The following TAFA2 variants were observed in gnomAD, a reference collection of about 807,000 sequenced individuals.
TAFA2 encodes TAFA chemokine like family member 2, also known as chemokine-like protein TAFA-2.
Under a neutral mutation model 18.8 loss-of-function variants are expected in TAFA2, and 7 were observed. The ratio of observed to expected loss-of-function variants is 0.37; its 90% CI spans 0.21 to 0.70. The LOEUF (loss-of-function observed/expected upper bound fraction) is 0.70. Ranked by LOEUF, TAFA2 falls within the 30% of genes least tolerant of loss-of-function variation. The pLI, the probability that TAFA2 is intolerant of heterozygous loss-of-function variation, is 0.53. For missense variants in TAFA2, 122 were observed against 158.1 expected (o/e 0.77, Z 1.23); for synonymous variants, 60 against 54.2 (o/e 1.11, Z -0.47).
chr12:62,184,269 A>G (rs1920088), intron 1 of TAFA2, among the ~76,000 whole-genome samples: 133,540 of 152,082 alleles, frequency 0.88, 58,735 homozygotes, highest in Middle Eastern at 0.93. Flanking sequence ...AAAGGGGTTT[A>G]CAATAATGCT....
intron 1 of TAFA2, among the ~76,000 whole-genome samples, chr12:62,127,265 G>T (rs548176706): frequency 6.6e-6 from 1 of 151,934 alleles, no homozygotes; most frequent in East Asian, 1.9e-4. Context: ...GGGTCAGAAG[G>T]AAGATTGCAC....
chr12:62,242,767 T>C (rs2136990447), intron 1 of TAFA2, among the ~76,000 whole-genome samples: 1 of 152,250 alleles, frequency 6.6e-6, no homozygotes, highest in East Asian at 1.9e-4. Context: ...GCGGCAGCTT[T>C]GGCTGGGCAT....
chr12:62,187,640 A>T (rs1448693926), intron 1 of TAFA2, among the ~76,000 whole-genome samples: 1 of 152,234 alleles, frequency 6.6e-6, no homozygotes, highest in Non-Finnish European at 1.5e-5. Flanking sequence ...TAAGAAGACA[A>T]GAATTGTTTA....
chr12:62,142,004 T>C (rs2062243957), intron 1 of TAFA2, among the ~76,000 whole-genome samples: 1 of 152,222 alleles, frequency 6.6e-6, no homozygotes, highest in Non-Finnish European at 1.5e-5. Flanking sequence ...TGCCCACTAA[T>C]GCCAGGCATC....
At chr12:62,234,953 A>C (rs2062829823) in intron 1 of TAFA2, 1 of 724,450 alleles carries the variant, frequency 1.4e-6, no homozygotes, top group African/African-American at 1.7e-5. Context: ...CCTCAGTGGA[A>C]GGCATGGTCG....
chr12:61,762,948 C>T (rs142841639), intron 2 of TAFA2, among the ~76,000 whole-genome samples: 1 of 152,010 alleles, frequency 6.6e-6, no homozygotes, highest in South Asian at 2.1e-4. Flanking sequence ...CAATAGGCAA[C>T]TGAAATGCGA....
At chr12:62,183,054 G>A (rs2062561943) in intron 1 of TAFA2, among the ~76,000 whole-genome samples, 1 of 152,206 alleles carries the variant, frequency 6.6e-6, no homozygotes, top group South Asian at 2.1e-4. Context: ...GAATGTTTGT[G>A]TCTTCCCAAA....
At chr12:62,122,091 G>A (rs960753422) in intron 1 of TAFA2, among the ~76,000 whole-genome samples, 3 of 152,172 alleles carry the variant, frequency 2.0e-5, no homozygotes, top group Non-Finnish European at 4.4e-5. Flanking sequence ...TGGAAGGAGG[G>A]AGAGGATCAG....
chr12:62,065,463 T>A (rs1882459917), intron 1 of TAFA2, among the ~76,000 whole-genome samples: 3 of 152,016 alleles, frequency 2.0e-5, no homozygotes, highest in Non-Finnish European at 2.9e-5. Context: ...GTCTTACCAA[T>A]GAAAATACCA....
At chr12:62,083,899 C>T (rs1868362134) in intron 1 of TAFA2, among the ~76,000 whole-genome samples, 2 of 152,032 alleles carry the variant, frequency 1.3e-5, no homozygotes, top group South Asian at 2.1e-4. Context: ...AATTTGAATT[C>T]TTCCCACACT....
chr12:62,042,514 G>A (rs1312035388), intron 1 of TAFA2, among the ~76,000 whole-genome samples: 1 of 151,736 alleles, frequency 6.6e-6, no homozygotes, highest in Non-Finnish European at 1.5e-5. Flanking sequence ...CAGTGTCCCT[G>A]CTGGAATAGA....
intron 4 of TAFA2, among the ~76,000 whole-genome samples, chr12:61,729,245 C>T (rs1421580127): frequency 6.6e-6 from 1 of 151,754 alleles, no homozygotes; most frequent in Non-Finnish European, 1.5e-5. Flanking sequence ...CACTTTTTTT[C>T]TGAGGTTCTT....
chr12:61,977,002 G>C (rs185862106), intron 1 of TAFA2, among the ~76,000 whole-genome samples: 1 of 152,122 alleles, frequency 6.6e-6, no homozygotes, highest in East Asian at 1.9e-4. Context: ...ATGTGTCTTT[G>C]TAGTAGCATG....
chr12:61,961,488 G>A (rs1439043452), intron 1 of TAFA2, among the ~76,000 whole-genome samples: 1 of 151,812 alleles, frequency 6.6e-6, no homozygotes, highest in Non-Finnish European at 1.5e-5. Context: ...TGTTAACTGG[G>A]AGTTTCTTTC....
At chr12:62,069,972 C>T (rs1882585989) in intron 1 of TAFA2, among the ~76,000 whole-genome samples, 1 of 152,170 alleles carries the variant, frequency 6.6e-6, no homozygotes, top group Non-Finnish European at 1.5e-5. Flanking sequence ...GACATTTATA[C>T]ACTTGCATGC....
At chr12:61,843,703 T>TTTGGAAGTAGATTCATATATACA (rs1873285393) in intron 2 of TAFA2, among the ~76,000 whole-genome samples, 1 of 152,150 alleles carries the variant, frequency 6.6e-6, no homozygotes, top group African/African-American at 2.4e-5. Context: ...TACCTTCAAG[T>TTTGGAAGTAGATTCATATATACA]TTGGAAGTAG....
chr12:61,846,639 A>G (rs527730914), intron 2 of TAFA2, among the ~76,000 whole-genome samples: 1 of 152,312 alleles, frequency 6.6e-6, no homozygotes, highest in South Asian at 2.1e-4. Context: ...GATTATAACT[A>G]TTGTCTTTGC....
chr12:62,249,472 T>A (rs2062902020), intron 1 of TAFA2, among the ~76,000 whole-genome samples: 1 of 152,126 alleles, frequency 6.6e-6, no homozygotes, highest in Non-Finnish European at 1.5e-5. Context: ...TTAGTTCCCA[T>A]GACAGTTGAT....
chr12:61,755,055 G>A (rs1869199611), intron 2 of TAFA2, 31 bp from the exon 3 acceptor site: 1 of 1,609,478 alleles, frequency 6.2e-7, no homozygotes, highest in African/African-American at 1.3e-5. Context: ...AGACAACATT[G>A]AGAAAGCTTT....
Sources: allele counts gnomAD v4.1 joint callset (sites outside exome capture counted in the v4.1 genomes callset), GRCh38; gene constraint gnomAD v4.1.1; transcripts MANE v1.5; gene names NCBI Gene and HGNC (gene_info 2026-07-23, HGNC 2026-07-21).